The following ZNF730 variants were observed in gnomAD, a reference collection of about 807,000 sequenced individuals.
ZNF730 encodes the protein putative zinc finger protein 730.
Under a neutral mutation model 12.6 loss-of-function variants are expected in ZNF730, and 12 were observed. That is an observed-to-expected ratio of 0.95 (90% CI 0.61 to 1.54). ZNF730 has a LOEUF of 1.54. ZNF730 is among the 40% of genes most tolerant of loss of function. ZNF730 has a pLI of 0.00. For synonymous variants in ZNF730, 194 were observed against 195.8 expected (o/e 0.99, Z 0.08); for missense variants, 643 against 583.5 (o/e 1.10, Z -1.05).
At chr19:23,139,055 T>G (rs1313173453) in intron 3 of ZNF730, among the ~76,000 whole-genome samples, 1 of 152,194 alleles carries the variant, frequency 6.6e-6, no homozygotes, top group African/African-American at 2.4e-5. Context: ...AATTGACATG[T>G]TATGTCTGAA....
intron 1 of ZNF730, among the ~76,000 whole-genome samples, chr19:23,093,217 C>G (rs1970186789): frequency 6.6e-6 from 1 of 152,180 alleles, no homozygotes; most frequent in African/African-American, 2.4e-5. Context: ...CTCAGGTGAT[C>G]CACTCGCCTT....
chr19:23,107,920 T>TTTG (rs887292181), intron 1 of ZNF730, among the ~76,000 whole-genome samples: 3 of 152,106 alleles, frequency 2.0e-5, no homozygotes, highest in African/African-American at 7.2e-5. Context: ...ATGCAATTTT[T>TTTG]TTGTTGTTGT....
At chr19:23,100,134 A>C (rs766307957) in intron 1 of ZNF730, 1 of 152,052 alleles carries the variant, frequency 6.6e-6, no homozygotes, top group Admixed American at 6.6e-5. Context: ...ATTGCGATAT[A>C]TGTCTTCACC....
In ZNF730 at chr19:23,146,170, G is replaced by A. The variant is rs767593585; in HGVS notation, c.1126G>A (p.Ala376Thr). Residue 376 changes from alanine to threonine, a missense_variant, in exon 4 of 4, where the codon GCT (alanine) becomes ACT (threonine). Transcript: ENST00000597761. ...KPYKYKECGK[A>T]FNQSSTLTIH... Reference sequence around the variant, plus strand: ...CTACAAATATAAAGAATGTGGTAAAGCTTTTAACCAATCCTCAACTCTTAC... The same window carrying A: ...CTACAAATATAAAGAATGTGGTAAAACTTTTAACCAATCCTCAACTCTTAC... 1.4e-5 allele frequency: 22 copies of A among 1,608,046 alleles called. No homozygotes were observed. In the Middle Eastern group the frequency reaches 8.3e-4, roughly 61 times the overall value.
At chr19:23,100,911 C>T (rs1002597695) in intron 1 of ZNF730, among the ~76,000 whole-genome samples, 21 of 152,094 alleles carry the variant, frequency 1.4e-4, no homozygotes, top group Non-Finnish European at 7.3e-5. Context: ...ACCTCAGCCT[C>T]CCAAAGTGCT....
chr19:23,145,816 T>A lies in ZNF730; in HGVS notation c.772T>A (p.Cys258Ser), dbSNP rs750283403. Reference sequence around the variant, plus strand: ...TCATACTGGAGAAAAACCCTACCAATGTGAGAAATGTGGCAAATTTTTTAA... The same window carrying A: ...TCATACTGGAGAAAAACCCTACCAAAGTGAGAAATGTGGCAAATTTTTTAA... Reference protein sequence around the residue: ...RIHTGEKPYQCEKCGKFFNQS... With the variant: ...RIHTGEKPYQSEKCGKFFNQS... The change falls in exon 4 of 4, where the codon TGT (cysteine) becomes AGT (serine). Residue 258 changes from cysteine to serine, a missense_variant. Coordinates refer to ENST00000597761, the MANE Select transcript of ZNF730 (RefSeq NM_001277403.2). 1.1e-5 allele frequency: 18 copies of A among 1,596,292 alleles called. No homozygotes were observed. In the African/African-American group the frequency reaches 2.4e-4, roughly 22 times the overall value.
chr19:23,077,266 C>T (rs1456327655), intron 1 of ZNF730, among the ~76,000 whole-genome samples: 1 of 151,908 alleles, frequency 6.6e-6, no homozygotes, highest in Non-Finnish European at 1.5e-5. Flanking sequence ...TCACAACAAA[C>T]CCCCATAACA....
chr19:23,137,165 G>C (rs1970846375), intron 3 of ZNF730, among the ~76,000 whole-genome samples: 1 of 151,992 alleles, frequency 6.6e-6, no homozygotes, highest in African/African-American at 2.4e-5. Flanking sequence ...GTGAGACTCT[G>C]TCAAAAAAAT....
chr19:23,116,571 TAC>T (rs1006668349), upstream of ZNF730, among the ~76,000 whole-genome samples: 1 of 99,430 alleles, frequency 1.0e-5, no homozygotes, highest in African/African-American at 3.2e-5. Flanking sequence ...TACTCCCAGC[TAC>T]TTTTTTTTTT....
chr19:23,105,407 C>T (rs1393783981), intron 1 of ZNF730, among the ~76,000 whole-genome samples: 1 of 152,104 alleles, frequency 6.6e-6, no homozygotes, highest in Non-Finnish European at 1.5e-5. Flanking sequence ...GCTACCATGC[C>T]TGGCCAGAAC....
rs543546500 is a variant in ZNF730, at chr19:23,119,882, CCTT to C, written c.3+2712_3+2714del. On this transcript the variant is annotated intron_variant, in intron 1 of 3. Coordinates refer to ENST00000597761, the MANE Select transcript of ZNF730 (RefSeq NM_001277403.2). ...TTATATAATGAGTTGGGGAGGAGTC[CCTT>C]CTTCTCAATTTTTTAAAATAGTTTT... Among the ~76,000 whole-genome samples the C allele has an allele frequency of 2.7e-3, 406 of 151,770 alleles. 3 individuals carry two copies. Among genetic ancestry groups the C allele is most frequent in the Non-Finnish European group, 3.8e-3 (261 of 67,924 alleles).
At chr19:23,090,333 C>T (rs1970135908) in intron 1 of ZNF730, among the ~76,000 whole-genome samples, 1 of 151,982 alleles carries the variant, frequency 6.6e-6, no homozygotes, top group Non-Finnish European at 1.5e-5. Context: ...TATGTTTTAG[C>T]AAAGTGACTG....
At chr19:23,088,563 A>G (rs1970104796) in intron 1 of ZNF730, among the ~76,000 whole-genome samples, 1 of 151,642 alleles carries the variant, frequency 6.6e-6, no homozygotes, top group Non-Finnish European at 1.5e-5. Flanking sequence ...TACTGGGCTC[A>G]AGAGATTCTC....
At chr19:23,141,592 A>G (rs1970920956) in intron 3 of ZNF730, among the ~76,000 whole-genome samples, 1 of 152,122 alleles carries the variant, frequency 6.6e-6, no homozygotes, top group East Asian at 1.9e-4. Flanking sequence ...AATATTAACT[A>G]TTTCAACCTT....
At chr19:23,098,025 TC>T (rs1970281038) in intron 1 of ZNF730, among the ~76,000 whole-genome samples, 2 of 151,996 alleles carry the variant, frequency 1.3e-5, no homozygotes, top group Non-Finnish European at 2.9e-5. Flanking sequence ...GCCCCTGTAG[TC>T]CTGGCTACTT....
chr19:23,082,124 A>T lies in ZNF730; in HGVS notation c.-94+6737A>T, dbSNP rs139334732. On this transcript the variant is annotated intron_variant, in intron 1 of 2. Transcript: ENST00000593635. Reference sequence around the variant, plus strand: ...ACTGTGTAATAGAAAACCAGAACTTACTCTTCTTCTTTAATTGTAACTTAA... The same window carrying T: ...ACTGTGTAATAGAAAACCAGAACTTTCTCTTCTTCTTTAATTGTAACTTAA... 2.6e-4 allele frequency among the ~76,000 whole-genome samples: 39 copies of T among 151,822 alleles called. No homozygotes were observed. In the East Asian group the frequency reaches 7.2e-3, roughly 28 times the overall value.
At chr19:23,128,314 G>C (rs1970696276) in intron 1 of ZNF730, 1 of 635,362 alleles carries the variant, frequency 1.6e-6, no homozygotes, top group Non-Finnish European at 2.9e-6. Flanking sequence ...GAAGGATGAT[G>C]AAGATGGTTA....
intron 3 of ZNF730, 66 bp from the exon 4 acceptor site, chr19:23,145,205 A>G: frequency 7.3e-6 from 8 of 1,094,616 alleles, no homozygotes; most frequent in Non-Finnish European, 9.8e-6. Context: ...ATAACTTTAT[A>G]GGTTAGGTTT....
At chr19:23,078,749 G>A (rs1006814491) in intron 1 of ZNF730, among the ~76,000 whole-genome samples, 1 of 152,032 alleles carries the variant, frequency 6.6e-6, no homozygotes, top group African/African-American at 2.4e-5. Flanking sequence ...GGTGTGGAGG[G>A]GCAGGCCACC....
Sources: gnomAD v4.1 joint callset for allele counts (sites outside exome capture counted in the v4.1 genomes callset) on GRCh38, gnomAD v4.1.1 for gene constraint, MANE v1.5 for transcripts, NCBI Gene and HGNC (gene_info 2026-07-23, HGNC 2026-07-21) for gene names.